The following POLR1A variants were observed in gnomAD, a reference collection of about 807,000 sequenced individuals.
The protein encoded by POLR1A is DNA-directed RNA polymerase I subunit RPA1.
POLR1A carries 84 observed loss-of-function variants against 205.3 expected under a neutral mutation model. The ratio of observed to expected loss-of-function variants is 0.41; its 90% CI spans 0.34 to 0.49. POLR1A has a LOEUF of 0.49. POLR1A is among the 20% of genes least tolerant of loss of function. The pLI is 0.22. For missense variants in POLR1A, 1,645 were observed against 2,204.5 expected (o/e 0.75, Z 5.08); for synonymous variants, 799 against 863.7 (o/e 0.93, Z 1.31).
chr2:86,038,692 G>T lies in POLR1A; in HGVS notation c.4034+8C>A. ...AAGGTCAATGACAATCACAGCCTGA[G>T]CCCTGACCTTGTTTCCATGAAGCGC... On this transcript the variant is annotated splice_region_variant and intron_variant, in intron 27 of 33. Coordinates refer to ENST00000263857, the MANE Select transcript of POLR1A (RefSeq NM_015425.6). 1 of 1,612,656 alleles carries T rather than the reference G, an allele frequency of 6.2e-7. No homozygotes were observed. The highest frequency in any genetic ancestry group is 1.1e-5 in the South Asian group (1 of 91,000).
chr2:86,058,263 G>T (rs1025573128), intron 14 of POLR1A, among the ~76,000 whole-genome samples: 1 of 152,116 alleles, frequency 6.6e-6, no homozygotes, highest in African/African-American at 2.4e-5. Flanking sequence ...ACCATGCCTG[G>T]ATAATTTTTG....
intron 13 of POLR1A, among the ~76,000 whole-genome samples, chr2:86,068,452 A>G (rs973409406): frequency 2.1e-5 from 3 of 139,790 alleles, no homozygotes; most frequent in Non-Finnish European, 4.5e-5. Context: ...GCTGGCTGAC[A>G]TATTACTCAC....
chr2:86,090,646 G>A (rs1673585866), intron 3 of POLR1A, among the ~76,000 whole-genome samples: 1 of 152,230 alleles, frequency 6.6e-6, no homozygotes, highest in Admixed American at 6.5e-5. Flanking sequence ...GCTGAAGCAG[G>A]ACATCACTTG....
At position 86,028,177 on chromosome 2, in the gene POLR1A, T is replaced by C. The variant is rs978981075; in HGVS notation, c.4898-128A>G. 3.6e-6 allele frequency: 3 copies of C among 844,354 alleles called. No individual in the cohort carries two copies. The highest frequency in any genetic ancestry group is 3.3e-5 in the African/African-American group (2 of 60,278). The allele number at this position is 844,354 out of a possible 1,614,324, so 52.3% of individuals were successfully genotyped here. A position where few individuals can be genotyped will look rare whatever the true frequency, so the allele number is the denominator to read the frequency against. ...TTAGACTCTGGGGCTCCCCTTCAGC[T>C]CCGCCACCTGCTCACGCTACTTAAC... On this transcript the variant is annotated intron_variant, in intron 32 of 33. Coordinates refer to ENST00000263857, the MANE Select transcript of POLR1A (RefSeq NM_015425.6). The surrounding 1 kb of genome is among the most constrained non-coding windows in gnomAD (Gnocchi z 4.5).
intron 12 of POLR1A, among the ~76,000 whole-genome samples, chr2:86,074,077 T>C (rs768248817): frequency 1.3e-5 from 2 of 152,172 alleles, no homozygotes; most frequent in Non-Finnish European, 2.9e-5. Flanking sequence ...GGCAGTGTAT[T>C]ACTGCTGCCC....
chr2:86,059,637 C>G (rs548018664), intron 14 of POLR1A, among the ~76,000 whole-genome samples: 2 of 152,336 alleles, frequency 1.3e-5, no homozygotes, highest in East Asian at 3.9e-4. Context: ...GCAATCTCAG[C>G]TCAATGCAAC....
intron 3 of POLR1A, among the ~76,000 whole-genome samples, chr2:86,096,535 A>G (rs1673706281): frequency 6.6e-6 from 1 of 152,216 alleles, no homozygotes; most frequent in Admixed American, 6.5e-5. Flanking sequence ...ATATACTACA[A>G]AGCTGTAGTA....
At chr2:86,038,477 C>G (rs1367153369) in intron 27 of POLR1A, among the ~76,000 whole-genome samples, 1 of 152,188 alleles carries the variant, frequency 6.6e-6, no homozygotes, top group East Asian at 1.9e-4. Context: ...GAAATGGGCT[C>G]AGGGAGTGAC....
chr2:86,049,124 T>A, intron 17 of POLR1A, 36 bp downstream of exon 17: 2 of 1,610,680 alleles, frequency 1.2e-6, no homozygotes, highest in Non-Finnish European at 1.7e-6. Context: ...ACTTCACCCC[T>A]CTAGGGCAGG....
intron 10 of POLR1A, 60 bp downstream of exon 10, chr2:86,078,054 T>C: frequency 1.2e-6 from 2 of 1,612,332 alleles, no homozygotes; most frequent in Non-Finnish European, 1.7e-6. Flanking sequence ...CTTGTTTCAA[T>C]ACACAATGTT....
intron 22 of POLR1A, 140 bp downstream of exon 22, chr2:86,043,999 C>G (rs571684238): frequency 1.4e-6 from 1 of 706,812 alleles, no homozygotes; most frequent in Middle Eastern, 3.6e-4. Context: ...GGGCACTGAC[C>G]GGTGTCTTAT....
Position 86,042,995 on chromosome 2 carries a change from G to A in POLR1A, c.3336C>T (p.Gly1112=), listed in dbSNP as rs1558766164. ...TCACCTCCTGAGTCCCAGGGCTGCG[G>A]CCATTGCGGTTTTCACTCTCAAGTT... ...ALKLESENRN[G]RSPGTQEMLR... is the part of the protein sequence containing the mutation. Residue 1112 remains glycine, a synonymous_variant, in exon 23 of 34, where the codon GGC becomes GGT. Coordinates refer to ENST00000263857, the MANE Select transcript of POLR1A (RefSeq NM_015425.6). The A allele has an allele frequency of 1.9e-6, 3 of 1,613,858 alleles. No individual in the cohort carries two copies. The highest frequency in any genetic ancestry group is 2.5e-6 in the Non-Finnish European group (3 of 1,179,798).
chr2:86,088,306 A>G (rs1019677464), intron 6 of POLR1A, among the ~76,000 whole-genome samples: 1 of 152,258 alleles, frequency 6.6e-6, no homozygotes, highest in African/African-American at 2.4e-5. Context: ...CCTTTCAGAA[A>G]AACGACCACC....
chr2:86,041,963 C>A lies in POLR1A; in HGVS notation c.3498G>T (p.Lys1166Asn). ...FASVSETFET[K>N]VDDYSQEWAA... is the part of the protein sequence containing the mutation. ...CCCACTCTTGACTGTAGTCATCAAC[C>A]TTTGTTTCAAATGTTTCTGACACTG... The change falls in exon 24 of 34, where the codon AAG becomes AAT. Residue 1166 changes from lysine to asparagine, a missense_variant. Lys to Asn is a moderately conservative substitution (Grantham distance 94). Coordinates refer to ENST00000263857, the MANE Select transcript of POLR1A (RefSeq NM_015425.6). The A allele has an allele frequency of 6.2e-7, 1 of 1,614,178 alleles. No homozygotes were observed. Among genetic ancestry groups the A allele is most frequent in the Non-Finnish European group, 8.5e-7 (1 of 1,180,006 alleles).
chr2:86,038,699 C>G lies in POLR1A; in HGVS notation c.4034+1G>C. 6.2e-7 allele frequency: 1 copy of G among 1,613,258 alleles called. No individual in the cohort carries two copies. The highest frequency in any genetic ancestry group is 8.5e-7 in the Non-Finnish European group (1 of 1,179,946). ...ATGACAATCACAGCCTGAGCCCTGA[C>G]CTTGTTTCCATGAAGCGCAGGATGT... On this transcript the variant is annotated splice_donor_variant, in intron 27 of 33. Coordinates refer to ENST00000263857, the MANE Select transcript of POLR1A (RefSeq NM_015425.6). LOFTEE classifies it high-confidence loss of function.
chr2:86,078,678 T>C (rs1350078018), intron 9 of POLR1A, among the ~76,000 whole-genome samples: 1 of 152,220 alleles, frequency 6.6e-6, no homozygotes, highest in Non-Finnish European at 1.5e-5. Context: ...ACATGCAGTT[T>C]CAGTTTTATT....
At chr2:86,078,458 T>C (rs1673337563) in intron 9 of POLR1A, among the ~76,000 whole-genome samples, 174 bp from the exon 10 acceptor site, 1 of 152,216 alleles carries the variant, frequency 6.6e-6, no homozygotes, top group African/African-American at 2.4e-5. Flanking sequence ...TGTAAGTACA[T>C]GTCAATAAGA....
Position 86,031,646 on chromosome 2 carries a change from A to C in POLR1A, c.4273-11T>G, listed in dbSNP as rs1167983126. 6 of 1,600,696 alleles carry C rather than the reference A, an allele frequency of 3.7e-6. No homozygotes were observed. The highest frequency in any genetic ancestry group is 4.3e-6 in the Non-Finnish European group (5 of 1,172,354). On this transcript the variant is annotated splice_polypyrimidine_tract_variant and intron_variant, in intron 29 of 33. Transcript: ENST00000263857. ...ACTCTCATAATCAACCTGGCAGAAA[A>C]GGGAGCACAGGCTGTGTCACTTGGG...
At chr2:86,058,756 AT>A (rs1431128243) in intron 14 of POLR1A, among the ~76,000 whole-genome samples, 2 of 152,058 alleles carry the variant, frequency 1.3e-5, no homozygotes, top group Admixed American at 1.3e-4. Flanking sequence ...AATAAAATGG[AT>A]TTAAAAAAAT....
Sources: allele counts gnomAD v4.1 joint callset (sites outside exome capture counted in the v4.1 genomes callset), GRCh38; gene constraint gnomAD v4.1.1; non-coding constraint Gnocchi (gnomAD v3.1); transcripts MANE v1.5; gene names NCBI Gene and HGNC (gene_info 2026-07-23, HGNC 2026-07-21).